STX7: variants seen among roughly 807,000 people sequenced by gnomAD.
The protein encoded by STX7 is syntaxin 7, also known as syntaxin-7.
In STX7, 34 loss-of-function variants were observed where a neutral mutation model predicts 39.6. That is an observed-to-expected ratio of 0.86 (90% CI 0.65 to 1.14). The LOEUF (loss-of-function observed/expected upper bound fraction) is 1.14, where lower values mean the gene tolerates loss of function less well. STX7 is among the 50% of genes most tolerant of loss of function. The pLI is 0.00. For synonymous variants in STX7, 119 were observed against 99.1 expected (o/e 1.20, Z -1.19); for missense variants, 284 against 310.4 (o/e 0.92, Z 0.64).
At chr6:132,496,514 G>C (rs762437830) in intron 2 of STX7, among the ~76,000 whole-genome samples, 2 of 152,142 alleles carry the variant, frequency 1.3e-5, no homozygotes, top group Non-Finnish European at 2.9e-5. Context: ...AGCTAGTCTT[G>C]AGTGTGATGG....
intron 9 of STX7, among the ~76,000 whole-genome samples, chr6:132,461,070 A>T (rs1774383112): frequency 6.6e-6 from 1 of 152,180 alleles, no homozygotes; most frequent in Non-Finnish European, 1.5e-5. Flanking sequence ...GCTACAATTA[A>T]GGGAGCAATT....
rs1337221937 is a variant in STX7 at position 132,450,292 on chromosome 6, G to T, written c.*10466C>A. On this transcript the variant is annotated 3_prime_UTR_variant, in exon 10 of 10. Coordinates refer to ENST00000367941, the MANE Select transcript of STX7 (RefSeq NM_003569.3). ...AGCAGAAATCATCTACTTCGTAGTT[G>T]ATTTTGGTAATTTGCATTTTTCATA... 6.6e-6 allele frequency: 1 copy of T among 152,048 alleles called. No individual in the cohort carries two copies. The highest frequency in any genetic ancestry group is 1.5e-5 in the Non-Finnish European group (1 of 67,996). 9.4% of individuals were successfully genotyped at this position (152,048 alleles called of 1,614,324 possible). A position where few individuals can be genotyped will look rare whatever the true frequency, so the allele number is the denominator to read the frequency against.
In STX7 at chr6:132,448,175, T is replaced by C. The variant is rs1255952549; in HGVS notation, c.*12583A>G. Reference sequence around the variant, plus strand: ...TGCTCCCGGACACTTTCCCCACATATACATTTCCTGAGTTATGTAAAATGT... The same window carrying C: ...TGCTCCCGGACACTTTCCCCACATACACATTTCCTGAGTTATGTAAAATGT... On this transcript the variant is annotated 3_prime_UTR_variant, in exon 10 of 10. Coordinates refer to ENST00000367941, the MANE Select transcript of STX7 (RefSeq NM_003569.3). 1 of 152,236 alleles carries C rather than the reference T, an allele frequency of 6.6e-6. No homozygotes were observed. The highest frequency in any genetic ancestry group is 1.5e-5 in the Non-Finnish European group (1 of 68,038). 9.4% of individuals were successfully genotyped at this position (152,236 alleles called of 1,614,324 possible).
Position 132,472,357 on chromosome 6 carries a change from A to G in STX7, c.174T>C (p.Tyr58=), listed in dbSNP as rs776292889. Residue 58 remains tyrosine, a synonymous_variant, in exon 4 of 10, where the codon TAT becomes TAC. Transcript: ENST00000367941. ...CTGTTTCTTTGGCAAGCTGGTTAGT[A>G]TACTGCTGCTTCTGTTGCCTAAAGT... ...LRQQLQQKQQ[Y]TNQLAKETDK... is the part of the protein sequence containing the mutation. 6.2e-7 allele frequency: 1 copy of G among 1,612,700 alleles called. No homozygotes were observed. Among genetic ancestry groups the G allele is most frequent in the Non-Finnish European group, 8.5e-7 (1 of 1,179,630 alleles).
At chr6:132,481,797 TA>T (rs1475150481) in intron 2 of STX7, among the ~76,000 whole-genome samples, 1 of 152,194 alleles carries the variant, frequency 6.6e-6, no homozygotes, top group Non-Finnish European at 1.5e-5. Flanking sequence ...CAACAAATGC[TA>T]TAACAATGTT....
At chr6:132,468,361 T>A in intron 8 of STX7, 42 bp downstream of exon 8, 1 of 1,472,396 alleles carries the variant, frequency 6.8e-7, no homozygotes. Context: ...AAAGTGCATG[T>A]AGCTTGCTCT....
At chr6:132,482,647 G>GA (rs1262540284) in intron 2 of STX7, among the ~76,000 whole-genome samples, 6 of 152,038 alleles carry the variant, frequency 3.9e-5, no homozygotes, top group African/African-American at 1.4e-4. Flanking sequence ...AGCAAACAAA[G>GA]AAAAAATAAG....
At chr6:132,461,275 A>C (rs180865398) in intron 9 of STX7, among the ~76,000 whole-genome samples, 1 of 152,240 alleles carries the variant, frequency 6.6e-6, no homozygotes, top group Admixed American at 6.5e-5. Context: ...GATATCAGTA[A>C]GTACAAATTG....
chr6:132,485,658 C>T (rs938998719), intron 2 of STX7, among the ~76,000 whole-genome samples: 2 of 152,228 alleles, frequency 1.3e-5, no homozygotes, highest in East Asian at 3.8e-4. Context: ...TGTTCCTCTA[C>T]ATCCTCTCCA....
rs1418449425 is a variant in STX7 at position 132,458,855 on chromosome 6, ATGAT to A, written c.*1899_*1902del. 6.6e-6 allele frequency: 1 copy of A among 152,238 alleles called. No individual in the cohort carries two copies. The highest frequency in any genetic ancestry group is 1.5e-5 in the Non-Finnish European group (1 of 68,044). The allele number at this position is 152,238 out of a possible 1,614,324, so 9.4% of individuals were successfully genotyped here. On this transcript the variant is annotated 3_prime_UTR_variant, in exon 10 of 10. Coordinates refer to ENST00000367941, the MANE Select transcript of STX7 (RefSeq NM_003569.3). ...CCAGTTAAAATAATAATAATTTAAA[ATGAT>A]TACACTTCAAATAAAGGTACTAAAA...
chr6:132,499,097 A>T (rs1775488527), intron 2 of STX7, among the ~76,000 whole-genome samples: 3 of 152,126 alleles, frequency 2.0e-5, no homozygotes, highest in Non-Finnish European at 4.4e-5. Context: ...TCACCTCTAT[A>T]CGGTGGATGA....
chr6:132,476,814 A>G (rs1357551029), intron 2 of STX7, among the ~76,000 whole-genome samples: 1 of 152,164 alleles, frequency 6.6e-6, no homozygotes, highest in Non-Finnish European at 1.5e-5. Flanking sequence ...GCTCTACACA[A>G]AAGGGGAGGA....
Position 132,454,004 on chromosome 6 carries a change from T to C in STX7, c.*6754A>G, listed in dbSNP as rs1774192836. On this transcript the variant is annotated 3_prime_UTR_variant, in exon 10 of 10. Transcript: ENST00000367941. ...ATGTTTATAGCAACTTTATTTATAGTAGCCAAAAACTGGCCCAATGTCTCT... is the reference window on the plus strand; with the variant it reads ...ATGTTTATAGCAACTTTATTTATAGCAGCCAAAAACTGGCCCAATGTCTCT... 4 of 152,166 alleles carry C rather than the reference T, an allele frequency of 2.6e-5. No individual in the cohort carries two copies. The highest frequency in any genetic ancestry group is 2.0e-4 in the Admixed American group (3 of 15,280). The allele number at this position is 152,166 out of a possible 1,614,324, so 9.4% of individuals were successfully genotyped here. A position where few individuals can be genotyped will look rare whatever the true frequency, so the allele number is the denominator to read the frequency against.
At chr6:132,495,396 GA>G (rs576839966) in intron 2 of STX7, among the ~76,000 whole-genome samples, 2 of 152,136 alleles carry the variant, frequency 1.3e-5, no homozygotes, top group East Asian at 1.9e-4. Context: ...CTAAGTGGGG[GA>G]AAAAACCATC....
intron 3 of STX7, among the ~76,000 whole-genome samples, chr6:132,474,116 T>C (rs1179555615): frequency 1.4e-5 from 2 of 147,720 alleles, no homozygotes; most frequent in Admixed American, 7.0e-5. Flanking sequence ...TATTCCCAGC[T>C]ACACAGTAGG....
chr6:132,461,757 A>G, intron 9 of STX7: 1 of 1,410,012 alleles, frequency 7.1e-7, no homozygotes, highest in Non-Finnish European at 9.5e-7. Context: ...GCTGTCATTG[A>G]AAACCGAATG....
chr6:132,473,518 TTG>T (rs1774790851), intron 3 of STX7, among the ~76,000 whole-genome samples: 2 of 58,584 alleles, frequency 3.4e-5, no homozygotes, highest in African/African-American at 1.2e-4. Flanking sequence ...TATTATTGTG[TTG>T]TTTTTTTTTT....
chr6:132,485,361 A>G (rs1775107991), intron 2 of STX7, among the ~76,000 whole-genome samples: 1 of 152,346 alleles, frequency 6.6e-6, no homozygotes, highest in Non-Finnish European at 1.5e-5. Flanking sequence ...CATGCTGTGT[A>G]TATCAATAGT....
In STX7 at chr6:132,445,932, T is replaced by A. The variant is rs1189307121; in HGVS notation, c.*14826A>T. On this transcript the variant is annotated 3_prime_UTR_variant, in exon 10 of 10. Coordinates refer to ENST00000367941, the MANE Select transcript of STX7 (RefSeq NM_003569.3). ...AGTAAATTTTCTTTTGAAGATTTTA[T>A]AAATTACACATGGGGTTGTTATTAC... 4 of 152,232 alleles carry A rather than the reference T, an allele frequency of 2.6e-5. No individual in the cohort carries two copies. In the East Asian group the frequency reaches 7.7e-4, roughly 29 times the overall value. The allele number at this position is 152,232 out of a possible 1,614,324, so 9.4% of individuals were successfully genotyped here.
Sources: gnomAD v4.1 joint callset for allele counts (sites outside exome capture counted in the v4.1 genomes callset) on GRCh38, gnomAD v4.1.1 for gene constraint, MANE v1.5 for transcripts, NCBI Gene and HGNC (gene_info 2026-07-23, HGNC 2026-07-21) for gene names.